Variants in CCDC125 observed in about 807,000 individuals in gnomAD.
The protein encoded by CCDC125 is coiled-coil domain-containing protein 125.
CCDC125 carries 43 observed loss-of-function variants against 57.4 expected under a neutral mutation model. The observed-to-expected ratio is 0.75, with a 90% confidence interval of 0.59 to 0.97. The LOEUF (loss-of-function observed/expected upper bound fraction) is 0.97, where lower values mean the gene tolerates loss of function less well. Ranked by LOEUF, CCDC125 falls within the 50% of genes least tolerant of loss-of-function variation. CCDC125 has a pLI of 0.00. For missense variants in CCDC125, 563 were observed against 595.7 expected (o/e 0.95, Z 0.57); for synonymous variants, 187 against 195.2 (o/e 0.96, Z 0.35).
chr5:69,319,521 G>A (rs1314320978), intron 2 of CCDC125, among the ~76,000 whole-genome samples: 6 of 141,306 alleles, frequency 4.2e-5, no homozygotes, highest in African/African-American at 1.1e-4. Context: ...TTGCTCTGTC[G>A]CCCAGGCTGG....
Position 69,320,384 on chromosome 5 carries a change from C to G in CCDC125, c.157G>C (p.Asp53His), listed in dbSNP as rs1318109218. The change falls in exon 2 of 12, where the codon GAT (aspartate) becomes CAT (histidine). Residue 53 changes from aspartate (D) to histidine (H), a missense_variant. Asp to His is a moderately conservative substitution (Grantham distance 81). Coordinates refer to ENST00000396496, the MANE Select transcript of CCDC125 (RefSeq NM_176816.5). Reference protein sequence around the residue: ...EFSHRSRKRSDGKNFSPPPFP... With the variant: ...EFSHRSRKRSHGKNFSPPPFP... Reference sequence around the variant, plus strand: ...GGAGGAGGGCTAAAGTTCTTTCCATCTGATCTTTTTCTAGACCTATGTGAA... The same window carrying G: ...GGAGGAGGGCTAAAGTTCTTTCCATGTGATCTTTTTCTAGACCTATGTGAA... 1 of 1,614,016 alleles carries G rather than the reference C, an allele frequency of 6.2e-7. No individual in the cohort carries two copies. The highest frequency in any genetic ancestry group is 2.2e-5 in the East Asian group (1 of 44,898).
chr5:69,294,919 T>C lies in CCDC125; in HGVS notation c.817-19A>G, dbSNP rs1755074268. The C allele has an allele frequency of 1.3e-6, 2 of 1,599,658 alleles. No individual in the cohort carries two copies. Among genetic ancestry groups the C allele is most frequent in the Non-Finnish European group, 1.7e-6 (2 of 1,167,706 alleles). ...CCGCAAGCTTTAAATTGAAAAGCAT[T>C]GCTCCTGTTATTAAGTGTCACACTG... On this transcript the variant is annotated intron_variant, in intron 8 of 11. Transcript: ENST00000396496.
At chr5:69,317,227 T>TCTCAAACTCCTGAC (rs1415803157) in intron 2 of CCDC125, among the ~76,000 whole-genome samples, 2 of 152,118 alleles carry the variant, frequency 1.3e-5, no homozygotes, top group African/African-American at 4.8e-5. Flanking sequence ...GCCAGGCTGG[T>TCTCAAACTCCTGAC]CTCAAACTCC....
At position 69,320,470 on chromosome 5, in the gene CCDC125, G is replaced by A. The variant is rs1051244644; in HGVS notation, c.71C>T (p.Thr24Ile). The A allele has an allele frequency of 6.2e-7, 1 of 1,613,114 alleles. No homozygotes were observed. The highest frequency in any genetic ancestry group is 1.3e-5 in the African/African-American group (1 of 74,858). Residue 24 changes from threonine (T) to isoleucine (I), a missense_variant, in exon 2 of 12, where the codon ACA becomes ATA. Transcript: ENST00000396496. ...QLWETEEDDMTEGDLGYGLGR... is the reference protein window; with the variant it reads ...QLWETEEDDMIEGDLGYGLGR... The stretch of plus-strand genomic sequence containing the variant: ...GAGGCCATACCCTAAATCACCTTCT[G>A]TCATGTCATCCTCTTCTGTTTCCCA...
intron 8 of CCDC125, among the ~76,000 whole-genome samples, chr5:69,299,364 T>C (rs6866804): frequency 0.76 from 115,139 of 151,650 alleles, 47,399 homozygotes; most frequent in East Asian, 0.92. Context: ...CCGCCTCGGC[T>C]TCCCAAAGCG....
At chr5:69,302,517 A>G (rs1756647846) in intron 7 of CCDC125, among the ~76,000 whole-genome samples, 1 of 149,466 alleles carries the variant, frequency 6.7e-6, no homozygotes, top group East Asian at 2.0e-4. Context: ...CGAGGTCAGG[A>G]GATTGAGACC....
chr5:69,286,233 T>TAA (rs1227583360), intron 10 of CCDC125, among the ~76,000 whole-genome samples: 7 of 106,388 alleles, frequency 6.6e-5, no homozygotes, highest in African/African-American at 2.3e-4. Flanking sequence ...TATATATATA[T>TAA]AATTTTTTTT....
At chr5:69,276,994 G>A (rs933975269), downstream of CCDC125, 1 of 887,134 alleles carries the variant, frequency 1.1e-6, no homozygotes, top group Non-Finnish European at 1.7e-6. Context: ...TGGAAAAAAT[G>A]TGTCAGTGAA....
intron 7 of CCDC125, among the ~76,000 whole-genome samples, chr5:69,301,093 CAAA>C: frequency 1.0e-5 from 1 of 99,094 alleles, no homozygotes. Flanking sequence ...GACTCCCTCT[CAAA>C]AAAAAAAAAA....
At chr5:69,290,055 A>G (rs1421840428) in intron 10 of CCDC125, among the ~76,000 whole-genome samples, 1 of 151,924 alleles carries the variant, frequency 6.6e-6, no homozygotes, top group Non-Finnish European at 1.5e-5. Flanking sequence ...CACTCCAAAC[A>G]TGTAGCTTCT....
Position 69,282,775 on chromosome 5 carries a change from C to G in CCDC125, c.1490G>C (p.Arg497Thr), listed in dbSNP as rs144635477. 8 of 1,611,424 alleles carry G rather than the reference C, an allele frequency of 5.0e-6. No homozygotes were observed. In the African/African-American group the frequency reaches 8.0e-5, roughly 16 times the overall value. The stretch of plus-strand genomic sequence containing the variant: ...CAAAGAATGGGATCTTTTAAGAGTT[C>G]TATAGTTTGGATCTATTTGAGAGTG... ...IQHSQIDPNYRTLKRSHSLPS... is the reference protein window; with the variant it reads ...IQHSQIDPNYTTLKRSHSLPS... The change falls in exon 12 of 12, where the codon AGA (arginine) becomes ACA (threonine). Residue 497 changes from arginine to threonine, a missense_variant. Arg to Thr is a moderately conservative substitution (Grantham distance 71). Transcript: ENST00000396496.
At chr5:69,308,368 A>C in intron 4 of CCDC125, 1 of 297,002 alleles carries the variant, frequency 3.4e-6, no homozygotes, top group South Asian at 4.2e-5. Context: ...CATAATTACC[A>C]CATGTTGTGA....
At chr5:69,328,148 T>A (rs1157619415) in intron 1 of CCDC125, among the ~76,000 whole-genome samples, 2 of 152,162 alleles carry the variant, frequency 1.3e-5, no homozygotes. Context: ...CGCTCACCTC[T>A]GTCTGCCAAA....
In CCDC125 at chr5:69,281,619, T is replaced by C. The variant is rs1476494626; in HGVS notation, c.*1110A>G. On this transcript the variant is annotated 3_prime_UTR_variant, in exon 12 of 12. Coordinates refer to ENST00000396496, the MANE Select transcript of CCDC125 (RefSeq NM_176816.5). The stretch of plus-strand genomic sequence containing the variant: ...AGGTCCCACCATCAAAACTGTCTTA[T>C]TGAAGTTAACTTAAGGAAATTGTTA... The C allele has an allele frequency of 6.6e-6, 1 of 152,180 alleles. No individual in the cohort carries two copies. The highest frequency in any genetic ancestry group is 1.5e-5 in the Non-Finnish European group (1 of 68,048). The allele number at this position is 152,180 out of a possible 1,614,324, so 9.4% of individuals were successfully genotyped here. A position where few individuals can be genotyped will look rare whatever the true frequency, so the allele number is the denominator to read the frequency against.
At chr5:69,313,301 G>A in intron 3 of CCDC125, 2 of 692,454 alleles carry the variant, frequency 2.9e-6, no homozygotes, top group Non-Finnish European at 5.0e-6. Flanking sequence ...TGGCAGGAAG[G>A]GGGCAGCCTG....
At chr5:69,314,413 G>A (rs960727046) in intron 2 of CCDC125, among the ~76,000 whole-genome samples, 9 of 151,926 alleles carry the variant, frequency 5.9e-5, no homozygotes, top group Non-Finnish European at 1.0e-4. Context: ...TGCAGTGAGC[G>A]GAGATCGTGC....
At chr5:69,291,583 G>A (rs1046176476) in intron 10 of CCDC125, among the ~76,000 whole-genome samples, 7 of 152,122 alleles carry the variant, frequency 4.6e-5, no homozygotes, top group African/African-American at 1.7e-4. Flanking sequence ...TCGAACTCCT[G>A]ACCTCAGGTG....
At position 69,320,263 on chromosome 5, in the gene CCDC125, G is replaced by A. The variant is rs752672711; in HGVS notation, c.278C>T (p.Ser93Phe). 7.3e-5 allele frequency: 118 copies of A among 1,613,542 alleles called. 3 individuals carry two copies. In the South Asian group the frequency reaches 1.3e-3, roughly 18 times the overall value. Residue 93 changes from serine (S) to phenylalanine (F), a missense_variant, in exon 2 of 12, where the codon TCC (serine) becomes TTC (phenylalanine). Physicochemically the swap from Ser to Phe is radical, Grantham distance 155. Coordinates refer to ENST00000396496, the MANE Select transcript of CCDC125 (RefSeq NM_176816.5). ...AGTGCTACTTTGTCGTCTGTAATTG[G>A]AAATTCTGGACACTTGAGGGAATGT... ...QDTFPQVSRI[S>F]NYRRQSSTVD...
chr5:69,276,503 T>A (rs1030942319), downstream of CCDC125: 51 of 1,589,730 alleles, frequency 3.2e-5, no homozygotes, highest in Non-Finnish European at 4.4e-5. Flanking sequence ...ACATTTCAGA[T>A]ACTCACCTAC....
Sources: allele counts gnomAD v4.1 joint callset (sites outside exome capture counted in the v4.1 genomes callset), GRCh38; gene constraint gnomAD v4.1.1; transcripts MANE v1.5; gene names NCBI Gene and HGNC (gene_info 2026-07-23, HGNC 2026-07-21).